KTN1: variants seen among roughly 807,000 people sequenced by gnomAD.
KTN1 encodes kinectin.
KTN1 carries 130 observed loss-of-function variants against 222.5 expected under a neutral mutation model. The observed-to-expected ratio is 0.58, with a 90% CI of 0.51 to 0.68. The LOEUF is 0.68. KTN1 is among the 30% of genes least tolerant of loss of function. The pLI, the probability that KTN1 is intolerant of heterozygous loss-of-function variation, is 0.00. For missense variants in KTN1, 1,508 were observed against 1,500.4 expected (o/e 1.01, Z -0.08); for synonymous variants, 512 against 496.3 (o/e 1.03, Z -0.42).
chr14:55,596,698 T>G (rs1056087680), intron 1 of KTN1, among the ~76,000 whole-genome samples: 1 of 152,218 alleles, frequency 6.6e-6, no homozygotes, highest in Non-Finnish European at 1.5e-5. Flanking sequence ...AAGGACTACT[T>G]TTTCTTGGCG....
intron 5 of KTN1, among the ~76,000 whole-genome samples, chr14:55,623,641 G>A (rs28581185): frequency 0.076 from 11,650 of 152,304 alleles, 497 homozygotes; most frequent in South Asian, 0.12. Context: ...AAAGTGCTAG[G>A]ATTACAGGTG....
chr14:55,615,118 T>C (rs2038159801), intron 2 of KTN1, among the ~76,000 whole-genome samples: 1 of 152,288 alleles, frequency 6.6e-6, no homozygotes, highest in East Asian at 1.9e-4. Flanking sequence ...CAAAGGAATA[T>C]TTCAAGTGTA....
rs1053755168 is a variant in KTN1, at chr14:55,614,165, A to T, written c.523+1594A>T. On this transcript the variant is annotated intron_variant, in intron 2 of 43. Transcript: ENST00000395314. ...CATGGTGGTTTTTGGATACTGTGCC[A>T]GGGAGCTAGGACTTCTTAGGTTAGC... is the stretch of plus-strand genomic sequence containing the variant. Among the ~76,000 whole-genome samples, 4 of 152,328 alleles carry T rather than the reference A, an allele frequency of 2.6e-5. No homozygotes were observed. The East Asian group carries it at 5.8e-4, about 22-fold the overall frequency.
chr14:55,616,469 A>G (rs745535798), intron 2 of KTN1, 48 bp from the exon 3 acceptor site: 8 of 1,499,324 alleles, frequency 5.3e-6, no homozygotes, highest in Non-Finnish European at 7.2e-6. Flanking sequence ...CTTTTCCGTT[A>G]TGTTCATTGT....
At chr14:55,678,228 A>T (rs2046050265) in intron 41 of KTN1, 124 bp from the exon 42 acceptor site, 2 of 613,706 alleles carry the variant, frequency 3.3e-6, no homozygotes. Context: ...TTCATTTTGG[A>T]GGGAAAAACC....
chr14:55,602,050 A>T (rs557476359), intron 1 of KTN1, among the ~76,000 whole-genome samples: 33 of 151,814 alleles, frequency 2.2e-4, no homozygotes, highest in Non-Finnish European at 3.5e-4. Context: ...AGTGCTTTAT[A>T]TTTTTTCTTA....
intron 1 of KTN1, 36 bp downstream of exon 1, chr14:55,580,390 G>A: frequency 6.8e-6 from 1 of 147,034 alleles, no homozygotes; most frequent in South Asian, 1.9e-4. Context: ...ACGGGCGCCG[G>A]CGGCGGGGAG....
chr14:55,617,706 TA>T (rs1365228120), intron 3 of KTN1, among the ~76,000 whole-genome samples: 1 of 152,210 alleles, frequency 6.6e-6, no homozygotes, highest in Admixed American at 6.5e-5. Context: ...AAAAAGTTTT[TA>T]GATACCATTA....
rs369703887 is a variant in KTN1, at chr14:55,673,273, C to T, written c.3771+18C>T. ...TAAATTTGGTAAGAAGCTTGTCCTC[C>T]ACTGGGTATCAAGTAGGCACTGAAA... is the stretch of plus-strand genomic sequence containing the variant. On this transcript the variant is annotated intron_variant, in intron 40 of 43. Coordinates refer to ENST00000395314, the MANE Select transcript of KTN1 (RefSeq NM_001079521.2). 47 of 1,524,768 alleles carry T rather than the reference C, an allele frequency of 3.1e-5. No individual in the cohort carries two copies. The highest frequency in any genetic ancestry group is 5.0e-5 in the Admixed American group (3 of 59,674). The allele number at this position is 1,524,768 out of a possible 1,614,324, so 94.5% of individuals were successfully genotyped here. A position where few individuals can be genotyped will look rare whatever the true frequency, so the allele number is the denominator to read the frequency against.
chr14:55,681,398 C>A (rs974113080), intron 43 of KTN1: 1 of 152,178 alleles, frequency 6.6e-6, no homozygotes, highest in Non-Finnish European at 1.5e-5. Context: ...TCTTTAGCAT[C>A]TCATAGATGT....
Position 55,584,555 on chromosome 14 carries a change from T to C in KTN1, c.-31+4201T>C, listed in dbSNP as rs138625358. The stretch of plus-strand genomic sequence containing the variant: ...TTGTCTCCGTCCAGTCTTTGCTTTT[T>C]AAATGTCAGTTTCTTAAAAAGATGT... On this transcript the variant is annotated intron_variant, in intron 1 of 43. Transcript: ENST00000395314. Among the ~76,000 whole-genome samples the C allele has an allele frequency of 1.1e-4, 16 of 152,362 alleles. No individual in the cohort carries two copies. The East Asian group carries it at 3.1e-3, about 29-fold the overall frequency.
Position 55,644,358 on chromosome 14 carries a change from G to T in KTN1, c.2172+2598G>T, listed in dbSNP as rs768734255. 48 of 701,804 alleles carry T rather than the reference G, an allele frequency of 6.8e-5. No homozygotes were observed. In the Middle Eastern group the frequency reaches 1.8e-3, roughly 27 times the overall value. 43.5% of individuals were successfully genotyped at this position (701,804 alleles called of 1,614,324 possible). A position where few individuals can be genotyped will look rare whatever the true frequency, so the allele number is the denominator to read the frequency against. On this transcript the variant is annotated intron_variant, in intron 18 of 43. Coordinates refer to ENST00000395314, the MANE Select transcript of KTN1 (RefSeq NM_001079521.2). ...CATGGATTTTTATTCTGGAGGAAAA[G>T]ATTGAGCGTATAAAAGCAGAAACCA... is the stretch of plus-strand genomic sequence containing the variant.
At chr14:55,683,344 T>G (rs2046527970) in intron 43 of KTN1, 1 of 152,168 alleles carries the variant, frequency 6.6e-6, no homozygotes, top group African/African-American at 2.4e-5. Context: ...CTGCTTCATC[T>G]CTTTCTATAT....
At chr14:55,584,611 C>T (rs1414053833) in intron 1 of KTN1, among the ~76,000 whole-genome samples, 3 of 152,200 alleles carry the variant, frequency 2.0e-5, no homozygotes, top group East Asian at 1.9e-4. Context: ...CACTCCCCTA[C>T]GTCTGATTCT....
At chr14:55,645,255 T>A (rs2042178857) in intron 18 of KTN1, among the ~76,000 whole-genome samples, 2 of 152,182 alleles carry the variant, frequency 1.3e-5, no homozygotes, top group Admixed American at 1.3e-4. Context: ...GTGGCAAGAT[T>A]GGCATATTCA....
intron 40 of KTN1, chr14:55,674,097 T>A (rs1166436156): frequency 6.6e-6 from 1 of 152,146 alleles, no homozygotes. Flanking sequence ...GGAATTTTCT[T>A]GTTAGCATTA....
chr14:55,663,526 C>G, intron 32 of KTN1: 1 of 164,044 alleles, frequency 6.1e-6, no homozygotes, highest in Non-Finnish European at 1.3e-5. Context: ...AAAAACGTTA[C>G]ACTGCAGTGG....
At chr14:55,580,905 C>T (rs1023451727) in intron 1 of KTN1, among the ~76,000 whole-genome samples, 1 of 152,220 alleles carries the variant, frequency 6.6e-6, no homozygotes, top group Non-Finnish European at 1.5e-5. Flanking sequence ...TCGCCCCCTT[C>T]CCCGGCGCCC....
At chr14:55,587,975 A>C (rs2033372299) in intron 1 of KTN1, among the ~76,000 whole-genome samples, 1 of 152,158 alleles carries the variant, frequency 6.6e-6, no homozygotes, top group Non-Finnish European at 1.5e-5. Flanking sequence ...CTGAGCTTGA[A>C]AATTCTGGAG....
Sources: allele counts gnomAD v4.1 joint callset (sites outside exome capture counted in the v4.1 genomes callset), GRCh38; gene constraint gnomAD v4.1.1; transcripts MANE v1.5; gene names NCBI Gene and HGNC (gene_info 2026-07-23, HGNC 2026-07-21).